The following NRXN1 variants were observed in gnomAD, a reference collection of about 807,000 sequenced individuals.
NRXN1 encodes the protein neurexin 1, also known as neurexin-1.
In NRXN1, 39 loss-of-function variants were observed where a neutral mutation model predicts 150.9. The observed-to-expected ratio is 0.26, with a 90% CI of 0.20 to 0.34. The LOEUF (loss-of-function observed/expected upper bound fraction) is 0.34. Ranked by LOEUF, NRXN1 falls within the 10% of genes least tolerant of loss-of-function variation. The pLI, the probability that NRXN1 is intolerant of heterozygous loss-of-function variation, is 1.00. For missense variants in NRXN1, 1,815 were observed against 1,949.9 expected (o/e 0.93, Z 1.30); for synonymous variants, 924 against 757.0 (o/e 1.22, Z -3.62).
intron 2 of NRXN1, among the ~76,000 whole-genome samples, chr2:50,929,519 C>A (rs1687415340): frequency 6.6e-6 from 1 of 151,978 alleles, no homozygotes; most frequent in African/African-American, 2.4e-5. Context: ...CTGTGACTGG[C>A]TCCCCTCATT....
intron 5 of NRXN1, among the ~76,000 whole-genome samples, chr2:50,884,049 A>AT (rs941001262): frequency 2.0e-5 from 3 of 151,816 alleles, no homozygotes; most frequent in African/African-American, 7.2e-5. Context: ...GTATGCTTCG[A>AT]TAAAAAGTTA....
chr2:50,878,056 T>C (rs545703769), intron 5 of NRXN1, among the ~76,000 whole-genome samples: 2 of 152,106 alleles, frequency 1.3e-5, no homozygotes, highest in Admixed American at 6.6e-5. Context: ...CTCTGGATTC[T>C]GCTTTTTAAG....
rs1291356047 is a variant in NRXN1 at position 50,362,515 on chromosome 2, A to G, written c.3364+102927T>C. ...ACAATTGCTGCAAAGAGAATAAAGT[A>G]CCTATGAATACAACTTACAAGGGAT... is the stretch of plus-strand genomic sequence containing the variant. On this transcript the variant is annotated intron_variant, in intron 17 of 22. Coordinates refer to ENST00000401669, the MANE Select transcript of NRXN1 (RefSeq NM_001330078.2). Among the ~76,000 whole-genome samples, 7 of 152,188 alleles carry G rather than the reference A, an allele frequency of 4.6e-5. No homozygotes were observed. The East Asian group carries it at 1.3e-3, about 29-fold the overall frequency.
intron 18 of NRXN1, among the ~76,000 whole-genome samples, chr2:50,191,478 A>T (rs977224858): frequency 1.1e-4 from 16 of 152,150 alleles, no homozygotes; most frequent in African/African-American, 3.9e-4. Flanking sequence ...AGGTAGTTTT[A>T]TCATATGTGT....
intron 18 of NRXN1, among the ~76,000 whole-genome samples, chr2:50,142,347 G>A (rs1046779674): frequency 2.6e-5 from 4 of 151,598 alleles, no homozygotes; most frequent in African/African-American, 9.7e-5. Context: ...GTAGGACAGG[G>A]GGTATAAACA....
At chr2:50,370,337 GAA>G (rs1034004506) in intron 17 of NRXN1, among the ~76,000 whole-genome samples, 2 of 151,948 alleles carry the variant, frequency 1.3e-5, no homozygotes, top group African/African-American at 4.8e-5. Context: ...TGGACTTAGT[GAA>G]TTTGTAGGAT....
intron 5 of NRXN1, chr2:50,829,343 C>G (rs1213101710): frequency 6.7e-6 from 5 of 749,418 alleles, no homozygotes; most frequent in Non-Finnish European, 1.1e-5. Context: ...TTGATCAGGA[C>G]AGTCAAACTC....
intron 8 of NRXN1, among the ~76,000 whole-genome samples, chr2:50,574,152 C>T (rs1056050622): frequency 6.6e-6 from 1 of 152,050 alleles, no homozygotes; most frequent in Non-Finnish European, 1.5e-5. Context: ...TCTTTTCTAG[C>T]ATGTCAAGAA....
intron 19 of NRXN1, among the ~76,000 whole-genome samples, chr2:50,067,047 C>G (rs377562791): frequency 6.6e-6 from 1 of 152,102 alleles, no homozygotes; most frequent in African/African-American, 2.4e-5. Context: ...ATGCGCTGTT[C>G]GTGACTAATG....
At chr2:49,924,174 T>A (rs1234987463) in intron 22 of NRXN1, among the ~76,000 whole-genome samples, 2 of 152,208 alleles carry the variant, frequency 1.3e-5, no homozygotes, top group Non-Finnish European at 2.9e-5. Context: ...TTTACTATGG[T>A]GTCTCAAGAG....
chr2:50,134,273 G>GAAAAAAAAAAAAA (rs59985780), intron 18 of NRXN1, among the ~76,000 whole-genome samples: 2 of 96,464 alleles, frequency 2.1e-5, no homozygotes, highest in East Asian at 2.8e-4. Flanking sequence ...AAAGTAACCA[G>GAAAAAAAAAAAAA]AAAAAAAAAA....
chr2:50,923,428 AT>A, intron 3 of NRXN1: 1 of 308,334 alleles, frequency 3.2e-6, no homozygotes, highest in Admixed American at 3.2e-5. Flanking sequence ...AAAGATACAT[AT>A]TACAGATGTA....
At chr2:50,511,881 G>A (rs1218768140) in intron 12 of NRXN1, among the ~76,000 whole-genome samples, 1 of 151,988 alleles carries the variant, frequency 6.6e-6, no homozygotes, top group East Asian at 1.9e-4. Flanking sequence ...ACATCAACAT[G>A]ATTCTTAGGT....
At chr2:50,697,311 T>C (rs1009396087) in intron 5 of NRXN1, among the ~76,000 whole-genome samples, 7 of 152,328 alleles carry the variant, frequency 4.6e-5, no homozygotes, top group African/African-American at 1.7e-4. Flanking sequence ...GTTAGGACAG[T>C]ATATGATTAA....
At chr2:50,801,292 A>T (rs945931189) in intron 5 of NRXN1, among the ~76,000 whole-genome samples, 3 of 152,174 alleles carry the variant, frequency 2.0e-5, no homozygotes, top group Non-Finnish European at 2.9e-5. Flanking sequence ...TGTTCAGGAT[A>T]AAAATGTACC....
intron 19 of NRXN1, among the ~76,000 whole-genome samples, chr2:50,066,208 ATGTACTCTGAAATTAT>A (rs1299014728): frequency 1.1e-4 from 16 of 152,210 alleles, no homozygotes; most frequent in Admixed American, 4.6e-4. Context: ...AGCAGTGCCC[ATGTACTCTGAAATTAT>A]TGTACTCTGA....
chr2:50,166,279 A>ATGTGTGTGTGTGTG (rs70946894), intron 18 of NRXN1, among the ~76,000 whole-genome samples: 31 of 131,428 alleles, frequency 2.4e-4, no homozygotes, highest in African/African-American at 3.7e-4. Context: ...TACTCAACGT[A>ATGTGTGTGTGTGTG]TGTGTGTGTG....
intron 18 of NRXN1, among the ~76,000 whole-genome samples, chr2:50,150,900 G>A (rs1039194124): frequency 6.6e-6 from 1 of 151,798 alleles, no homozygotes; most frequent in African/African-American, 2.4e-5. Context: ...TGGTCCAGGA[G>A]TGGGTACCTC....
chr2:50,884,691 T>A (rs1003505883), intron 5 of NRXN1, among the ~76,000 whole-genome samples: 4 of 151,608 alleles, frequency 2.6e-5, no homozygotes, highest in Non-Finnish European at 5.9e-5. Context: ...CTTGAAACTC[T>A]ATGATAGTTT....
Sources: gnomAD v4.1 joint callset for allele counts (sites outside exome capture counted in the v4.1 genomes callset) on GRCh38, gnomAD v4.1.1 for gene constraint, MANE v1.5 for transcripts, NCBI Gene and HGNC (gene_info 2026-07-23, HGNC 2026-07-21) for gene names.